IBTK: variants seen among roughly 807,000 people sequenced by gnomAD.
IBTK encodes the protein BTK-binding protein.
Under a neutral mutation model 154.9 loss-of-function variants are expected in IBTK, and 83 were observed. The ratio of observed to expected loss-of-function variants is 0.54; its 90% CI spans 0.45 to 0.64. IBTK has a LOEUF of 0.64. IBTK is among the 30% of genes least tolerant of loss of function. The pLI, the probability that IBTK is intolerant of heterozygous loss-of-function variation, is 0.00. For missense variants in IBTK, 1,332 were observed against 1,584.6 expected (o/e 0.84, Z 2.71); for synonymous variants, 515 against 536.1 (o/e 0.96, Z 0.54).
intron 13 of IBTK, among the ~76,000 whole-genome samples, chr6:82,212,057 C>T (rs113174263): frequency 0.041 from 6,256 of 152,044 alleles, 234 homozygotes; most frequent in South Asian, 0.15. Flanking sequence ...TGCAATGGTG[C>T]AATCTTGTCT....
chr6:82,210,702 AAATT>A (rs1199337694), intron 16 of IBTK, 108 bp downstream of exon 16: 1 of 431,204 alleles, frequency 2.3e-6, no homozygotes, highest in Non-Finnish European at 4.2e-6. Flanking sequence ...AAAATAAAAT[AAATT>A]AAGCCTTTAT....
At chr6:82,173,684 T>TATATATATATATATATATACAC (rs1554181580) in intron 26 of IBTK, 1 of 220,692 alleles carries the variant, frequency 4.5e-6, no homozygotes, top group African/African-American at 2.4e-5. Context: ...AATATATATA[T>TATATATATATATATATATACAC]ACACACACCA....
intron 8 of IBTK, among the ~76,000 whole-genome samples, chr6:82,222,781 A>C (rs1460999256): frequency 6.6e-6 from 1 of 151,936 alleles, no homozygotes; most frequent in African/African-American, 2.4e-5. Flanking sequence ...AAACTTTATG[A>C]AGCTGGGCGC....
chr6:82,189,382 C>T (rs1371191003), intron 25 of IBTK, among the ~76,000 whole-genome samples: 1 of 152,034 alleles, frequency 6.6e-6, no homozygotes, highest in Non-Finnish European at 1.5e-5. Flanking sequence ...CAAATGATTT[C>T]CAATTTAGAA....
At chr6:82,211,764 T>G (rs2127813513) in intron 13 of IBTK, among the ~76,000 whole-genome samples, 192 bp from the exon 14 acceptor site, 1 of 152,320 alleles carries the variant, frequency 6.6e-6, no homozygotes, top group Non-Finnish European at 1.5e-5. Flanking sequence ...GTAAAGACAA[T>G]ATTTGAAAAG....
At chr6:82,225,687 T>C in intron 5 of IBTK, 40 bp from the exon 6 acceptor site, 1 of 1,424,928 alleles carries the variant, frequency 7.0e-7, no homozygotes, top group Non-Finnish European at 9.7e-7. Flanking sequence ...ACATTAACCA[T>C]TTATACAGAT....
In IBTK at chr6:82,227,222, T is replaced by C; in HGVS notation, c.624A>G (p.Arg208=). The change falls in exon 5 of 29, where the codon CGA becomes CGG. Residue 208 remains arginine, a synonymous_variant. Transcript: ENST00000306270. ...VYTCGHGPGG[R]LGHGDEQTCL... is the part of the protein sequence containing the mutation. The stretch of plus-strand genomic sequence containing the variant: ...ATGTCTGTTCATCTCCATGTCCTAA[T>C]CGCCCTCCAGGACCATGACCACAGG... 4 of 1,612,568 alleles carry C rather than the reference T, an allele frequency of 2.5e-6. No individual in the cohort carries two copies. The highest frequency in any genetic ancestry group is 3.4e-6 in the Non-Finnish European group (4 of 1,178,970).
At chr6:82,188,167 A>G (rs953946027) in intron 25 of IBTK, among the ~76,000 whole-genome samples, 9 of 152,192 alleles carry the variant, frequency 5.9e-5, no homozygotes, top group African/African-American at 1.9e-4. Context: ...GTCTATTTGT[A>G]CAACATAGGC....
chr6:82,198,445 G>T (rs1290716432), intron 21 of IBTK, among the ~76,000 whole-genome samples: 1 of 151,864 alleles, frequency 6.6e-6, no homozygotes. Context: ...ATAAATTTTA[G>T]GCATATTATC....
In IBTK at chr6:82,240,541, T is replaced by A; in HGVS notation, c.-55A>T. On this transcript the variant is annotated 5_prime_UTR_variant, in exon 2 of 29. Transcript: ENST00000306270. ...AATCGTGAAAACTAATTTTAAAAAA[T>A]GAAAAAGCCAGGACACAAAGGTGCT... 6.8e-7 allele frequency: 1 copy of A among 1,479,236 alleles called. No individual in the cohort carries two copies. The highest frequency in any genetic ancestry group is 2.0e-5 in the Admixed American group (1 of 50,488). The allele number at this position is 1,479,236 out of a possible 1,614,324, so 91.6% of individuals were successfully genotyped here. A position where few individuals can be genotyped will look rare whatever the true frequency, so the allele number is the denominator to read the frequency against.
intron 17 of IBTK, among the ~76,000 whole-genome samples, chr6:82,204,016 TA>T (rs1769307797): frequency 6.6e-6 from 1 of 152,064 alleles, no homozygotes; most frequent in African/African-American, 2.4e-5. Context: ...AGAACAGATA[TA>T]AGATTAGAAA....
intron 16 of IBTK, among the ~76,000 whole-genome samples, chr6:82,208,156 G>A (rs565027699): frequency 9.3e-5 from 14 of 150,674 alleles, no homozygotes; most frequent in Non-Finnish European, 1.6e-4. Context: ...GTGAGGTGAC[G>A]GTTATGTTAA....
intron 25 of IBTK, among the ~76,000 whole-genome samples, chr6:82,185,198 A>C (rs1162829107): frequency 2.0e-5 from 3 of 151,338 alleles, no homozygotes; most frequent in Non-Finnish European, 4.4e-5. Flanking sequence ...AAAAAAAAAA[A>C]AAAAAAAACA....
chr6:82,222,240 T>TATC (rs1770127142), intron 8 of IBTK, among the ~76,000 whole-genome samples: 5 of 152,076 alleles, frequency 3.3e-5, no homozygotes, highest in Admixed American at 1.3e-4. Context: ...CATTTTCTGC[T>TATC]CATGAGTAAC....
At chr6:82,234,822 T>TA (rs1036730949) in intron 2 of IBTK, among the ~76,000 whole-genome samples, 5 of 152,100 alleles carry the variant, frequency 3.3e-5, no homozygotes, top group Admixed American at 2.6e-4. Context: ...TGTGAAGAAA[T>TA]AAAAAATTAA....
chr6:82,182,550 G>A (rs1361751644), intron 25 of IBTK, among the ~76,000 whole-genome samples: 1 of 151,934 alleles, frequency 6.6e-6, no homozygotes, highest in Non-Finnish European at 1.5e-5. Context: ...GTTAACTGAA[G>A]TCCCAGAAAT....
intron 12 of IBTK, among the ~76,000 whole-genome samples, chr6:82,213,580 C>T (rs1050426312): frequency 6.6e-6 from 1 of 152,036 alleles, no homozygotes; most frequent in Non-Finnish European, 1.5e-5. Flanking sequence ...CGCTTGAGCC[C>T]AGGAGTTCGA....
At chr6:82,221,500 C>G (rs866101111) in intron 8 of IBTK, among the ~76,000 whole-genome samples, 1 of 152,102 alleles carries the variant, frequency 6.6e-6, no homozygotes, top group Non-Finnish European at 1.5e-5. Flanking sequence ...TACTGCTATT[C>G]AGTAACTCAT....
rs949600104 is a variant in IBTK at position 82,247,731 on chromosome 6, T to G, written c.-527A>C. 2.5e-6 allele frequency: 1 copy of G among 398,052 alleles called. No homozygotes were observed. The highest frequency in any genetic ancestry group is 4.4e-6 in the Non-Finnish European group (1 of 225,918). 24.7% of individuals were successfully genotyped at this position (398,052 alleles called of 1,614,324 possible). On this transcript the variant is annotated 5_prime_UTR_variant, in exon 1 of 29. Coordinates refer to ENST00000306270, the MANE Select transcript of IBTK (RefSeq NM_015525.4). ...TGCAATACAGCCGCTACTACAGGAATCGGGAACGGGGATGTAGAGGAAGGG... is the reference window on the plus strand; with the variant it reads ...TGCAATACAGCCGCTACTACAGGAAGCGGGAACGGGGATGTAGAGGAAGGG...
Sources: gnomAD v4.1 joint callset for allele counts (sites outside exome capture counted in the v4.1 genomes callset) on GRCh38, gnomAD v4.1.1 for gene constraint, MANE v1.5 for transcripts, NCBI Gene and HGNC (gene_info 2026-07-23, HGNC 2026-07-21) for gene names.